KANK1: variants seen among roughly 807,000 people sequenced by gnomAD.
KANK1 encodes the protein KN motif and ankyrin repeat domain-containing protein 1.
Under a neutral mutation model 106.2 loss-of-function variants are expected in KANK1, and 109 were observed. The ratio of observed to expected loss-of-function variants is 1.03; its 90% CI spans 0.88 to 1.20. The LOEUF is 1.20. KANK1 is among the 50% of genes most tolerant of loss of function. KANK1 has a pLI of 0.00. For synonymous variants in KANK1, 873 were observed against 652.2 expected (o/e 1.34, Z -5.16); for missense variants, 2,399 against 1,710.7 (o/e 1.40, Z -7.10).
Position 482,403 on chromosome 9 carries a change from A to G in KANK1, c.-362+9130A>G, listed in dbSNP as rs551389153. Among the ~76,000 whole-genome samples, 3 of 152,346 alleles carry G rather than the reference A, an allele frequency of 2.0e-5. No individual in the cohort carries two copies. The East Asian group carries it at 5.8e-4, about 29-fold the overall frequency. On this transcript the variant is annotated intron_variant, in intron 3 of 15. Transcript: ENST00000382303. ...TACTAAGTGCCATCAGTAAATAGCT[A>G]GCAGCAATTGATGGCTTACAACGTG...
chr9:546,964 A>T (rs776244634), intron 1 of KANK1, among the ~76,000 whole-genome samples: 3 of 152,206 alleles, frequency 2.0e-5, no homozygotes. Context: ...TTCTCACCAG[A>T]TAGGGTTGCA....
chr9:597,950 C>T (rs903778213), intron 1 of KANK1, among the ~76,000 whole-genome samples: 3 of 151,780 alleles, frequency 2.0e-5, no homozygotes, highest in East Asian at 3.8e-4. Context: ...CAGGTGTGAG[C>T]CACCACCCCT....
chr9:542,204 A>G (rs1400353099), intron 1 of KANK1, among the ~76,000 whole-genome samples: 1 of 152,146 alleles, frequency 6.6e-6, no homozygotes, highest in Non-Finnish European at 1.5e-5. Flanking sequence ...TGCAAATTAA[A>G]ACCACAGTGA....
At chr9:662,526 A>T (rs947954085) in intron 1 of KANK1, among the ~76,000 whole-genome samples, 1 of 117,826 alleles carries the variant, frequency 8.5e-6, no homozygotes, top group Non-Finnish European at 1.7e-5. Context: ...AACACCACAC[A>T]TCTACAACCA....
intron 1 of KANK1, among the ~76,000 whole-genome samples, chr9:664,883 T>C (rs1264022999): frequency 6.6e-6 from 1 of 152,164 alleles, no homozygotes; most frequent in Non-Finnish European, 1.5e-5. Flanking sequence ...GGGGTGAGAT[T>C]ATACCTCATC....
intron 3 of KANK1, among the ~76,000 whole-genome samples, chr9:490,601 A>C (rs2058361940): frequency 6.6e-6 from 1 of 152,214 alleles, no homozygotes; most frequent in African/African-American, 2.4e-5. Context: ...CTATTTGGAC[A>C]AAATCTTTAG....
rs570954058 is a variant in KANK1 at position 496,124 on chromosome 9, C to G, written c.-362+22851C>G. Among the ~76,000 whole-genome samples the G allele has an allele frequency of 1.1e-4, 17 of 152,252 alleles. No individual in the cohort carries two copies. In the South Asian group the frequency reaches 3.5e-3, roughly 32 times the overall value. On this transcript the variant is annotated intron_variant, in intron 3 of 15. Transcript: ENST00000382303. The stretch of plus-strand genomic sequence containing the variant: ...TTGCAGCTATTTGAACCTCTGTGAG[C>G]CCCATTCTTCTTGTCTGCAAACTGT...
intron 1 of KANK1, among the ~76,000 whole-genome samples, chr9:562,036 C>T (rs1816588575): frequency 8.6e-6 from 1 of 115,830 alleles, no homozygotes; most frequent in Non-Finnish European, 1.9e-5. Flanking sequence ...AAGTAAATTG[C>T]ATTTTCTTTT....
rs571336619 is a variant in KANK1, at chr9:521,320, A to G, written c.-84+16566A>G. ...GGTGTGGGGGCCATCTACTTAGGCA[A>G]GAGTCTTAGGTAGCTTCTGTAATTT... On this transcript the variant is annotated intron_variant, in intron 1 of 11. Coordinates refer to ENST00000382297, the MANE Select transcript of KANK1 (RefSeq NM_015158.5). 9.9e-5 allele frequency among the ~76,000 whole-genome samples: 15 copies of G among 151,678 alleles called. No individual in the cohort carries two copies. The South Asian group carries it at 2.9e-3, about 29-fold the overall frequency.
chr9:471,010 T>C (rs2058009384), intron 2 of KANK1: 1 of 152,142 alleles, frequency 6.6e-6, no homozygotes, highest in Non-Finnish European at 1.5e-5. Flanking sequence ...AATGCCAGGG[T>C]TATTGTTTTG....
At chr9:502,521 G>T (rs2058574111), upstream of KANK1, among the ~76,000 whole-genome samples, 1 of 144,218 alleles carries the variant, frequency 6.9e-6, no homozygotes, top group African/African-American at 2.9e-5. Flanking sequence ...TCTGGGGATG[G>T]AGAGCACTTT....
At chr9:675,815 C>CCTA (rs1428727983) in intron 1 of KANK1, among the ~76,000 whole-genome samples, 2 of 152,202 alleles carry the variant, frequency 1.3e-5, no homozygotes, top group East Asian at 3.9e-4. Context: ...AGAGCAGGAG[C>CCTA]GTAGGCTGCT....
chr9:732,807 G>A (rs1417247951), intron 6 of KANK1, 190 bp downstream of exon 6: 2 of 540,558 alleles, frequency 3.7e-6, no homozygotes, highest in Non-Finnish European at 6.3e-6. Flanking sequence ...ATGGTAGAAT[G>A]GCCTGGTACC....
intron 1 of KANK1, among the ~76,000 whole-genome samples, chr9:587,916 A>AT (rs1457372904): frequency 6.6e-6 from 1 of 152,180 alleles, no homozygotes; most frequent in Non-Finnish European, 1.5e-5. Context: ...AAATACAAAA[A>AT]TTAGCTGGGC....
chr9:538,505 GGCTGGA>G (rs1489722188), intron 1 of KANK1, among the ~76,000 whole-genome samples: 1 of 152,352 alleles, frequency 6.6e-6, no homozygotes, highest in East Asian at 1.9e-4. Flanking sequence ...TTCTGCCTCA[GGCTGGA>G]GCAGTTTTTA....
At chr9:593,494 A>G (rs991850562) in intron 1 of KANK1, among the ~76,000 whole-genome samples, 4 of 137,394 alleles carry the variant, frequency 2.9e-5, no homozygotes, top group African/African-American at 1.2e-4. Context: ...GACTAATGTC[A>G]TAAACTTTGT....
At chr9:638,842 GACTGTGTT>G (rs1837735728) in intron 1 of KANK1, among the ~76,000 whole-genome samples, 1 of 152,114 alleles carries the variant, frequency 6.6e-6, no homozygotes, top group African/African-American at 2.4e-5. Flanking sequence ...CATTCAATTT[GACTGTGTT>G]ACTGCCAGGA....
Position 602,653 on chromosome 9 carries a change from A to G in KANK1, c.-83-74237A>G, listed in dbSNP as rs57808766. 5.1e-3 allele frequency among the ~76,000 whole-genome samples: 768 copies of G among 152,002 alleles called. 37 individuals carry two copies. The highest frequency in any genetic ancestry group is 0.017 in the African/African-American group (718 of 41,244). On this transcript the variant is annotated intron_variant, in intron 1 of 11. Transcript: ENST00000382297. ...AACTACAGATTCATCATCCTATAAT[A>G]AAGTAACTCTTTTTGCATAAACTTT... is the stretch of plus-strand genomic sequence containing the variant.
intron 1 of KANK1, among the ~76,000 whole-genome samples, chr9:598,812 AATAGAG>A (rs1288538329): frequency 2.1e-5 from 3 of 146,260 alleles, no homozygotes; most frequent in South Asian, 2.2e-4. Context: ...TTGTATTTTT[AATAGAG>A]ATAGAGTCTT....
Sources: gnomAD v4.1 joint callset for allele counts (sites outside exome capture counted in the v4.1 genomes callset) on GRCh38, gnomAD v4.1.1 for gene constraint, MANE v1.5 for transcripts, NCBI Gene and HGNC (gene_info 2026-07-23, HGNC 2026-07-21) for gene names.